UBASH3A: variants seen among roughly 807,000 people sequenced by gnomAD.
UBASH3A encodes ubiquitin associated and SH3 domain containing A, also known as ubiquitin-associated and SH3 domain-containing protein A.
In UBASH3A, 63 loss-of-function variants were observed where a neutral mutation model predicts 73.5. The ratio of observed to expected loss-of-function variants is 0.86; its 90% CI spans 0.70 to 1.06. The LOEUF (loss-of-function observed/expected upper bound fraction) is 1.06, where lower values mean the gene tolerates loss of function less well. Ranked by LOEUF, UBASH3A falls within the 50% of genes least tolerant of loss-of-function variation. UBASH3A has a pLI of 0.00. For missense variants in UBASH3A, 860 were observed against 859.0 expected (o/e 1.00, Z -0.02); for synonymous variants, 363 against 351.1 (o/e 1.03, Z -0.38).
At chr21:42,444,956 GA>G (rs2053821330) in intron 14 of UBASH3A, among the ~76,000 whole-genome samples, 1 of 152,308 alleles carries the variant, frequency 6.6e-6, no homozygotes, top group South Asian at 2.1e-4. Flanking sequence ...TTTAGATGAG[GA>G]GGGAAGAAAC....
chr21:42,446,541 C>CA (rs546767526), intron 14 of UBASH3A, among the ~76,000 whole-genome samples: 18 of 152,256 alleles, frequency 1.2e-4, no homozygotes, highest in African/African-American at 3.9e-4. Flanking sequence ...AAGACAAAAA[C>CA]AAAAAAGGCT....
At chr21:42,405,174 C>T (rs763647316) in intron 1 of UBASH3A, among the ~76,000 whole-genome samples, 38 of 152,130 alleles carry the variant, frequency 2.5e-4, no homozygotes, top group Non-Finnish European at 3.5e-4. Context: ...AGGGCTTTGT[C>T]GTCACTGTTA....
intron 10 of UBASH3A, 65 bp from the exon 11 acceptor site, chr21:42,437,423 G>A (rs2053645085): frequency 1.4e-6 from 2 of 1,463,762 alleles, no homozygotes; most frequent in East Asian, 2.3e-5. Flanking sequence ...GGAGCACATG[G>A]CTCATCTGCC....
At chr21:42,425,096 G>A (rs1438484257) in intron 7 of UBASH3A, among the ~76,000 whole-genome samples, 2 of 152,194 alleles carry the variant, frequency 1.3e-5, no homozygotes, top group Admixed American at 6.5e-5. Context: ...ATGAACACAG[G>A]GACGTAGTGA....
intron 8 of UBASH3A, among the ~76,000 whole-genome samples, chr21:42,427,139 C>A (rs1233370439): frequency 6.6e-6 from 1 of 152,164 alleles, no homozygotes; most frequent in Admixed American, 6.5e-5. Flanking sequence ...ACGTCACCTG[C>A]CCCGGTGCCT....
chr21:42,444,404 A>G, intron 13 of UBASH3A, 130 bp from the exon 14 acceptor site: 1 of 716,862 alleles, frequency 1.4e-6, no homozygotes. Context: ...CACTACTTCT[A>G]GCCCGGGGGT....
intron 2 of UBASH3A, 22 bp from the exon 3 acceptor site, chr21:42,409,400 G>T: frequency 6.6e-7 from 1 of 1,524,746 alleles, no homozygotes; most frequent in Admixed American, 2.2e-5. Flanking sequence ...AGTGGGTGAT[G>T]CCGGCTTGCT....
intron 1 of UBASH3A, 117 bp downstream of exon 1, chr21:42,404,175 A>G: frequency 2.0e-6 from 1 of 487,848 alleles, no homozygotes; most frequent in Middle Eastern, 5.6e-4. Flanking sequence ...AAAGCAGTGC[A>G]CCTTGCAGGG....
In UBASH3A at chr21:42,444,649, C is replaced by T. The variant is rs761333252; in HGVS notation, c.1848+6C>T. On this transcript the variant is annotated splice_donor_region_variant and intron_variant, in intron 14 of 14. Coordinates refer to ENST00000319294, the MANE Select transcript of UBASH3A (RefSeq NM_018961.4). ...TTGCCCAACTCGTGAGAAAGGTACG[C>T]GCCCACTCTTGGCTCTTTGGGCCAC... 96 of 1,604,840 alleles carry T rather than the reference C, an allele frequency of 6.0e-5. No homozygotes were observed. The highest frequency in any genetic ancestry group is 7.2e-5 in the Non-Finnish European group (84 of 1,171,642).
intron 7 of UBASH3A, among the ~76,000 whole-genome samples, chr21:42,421,165 G>C (rs2053331704): frequency 6.6e-6 from 1 of 152,256 alleles, no homozygotes; most frequent in African/African-American, 2.4e-5. Context: ...GCAGGCAGAG[G>C]TCAGAGTACA....
chr21:42,439,580 C>T (rs1023361607), intron 11 of UBASH3A, among the ~76,000 whole-genome samples: 1 of 152,084 alleles, frequency 6.6e-6, no homozygotes, highest in Non-Finnish European at 1.5e-5. Context: ...CAGCTCCACC[C>T]GAGGGCAAGC....
At chr21:42,404,897 C>G (rs543007233) in intron 1 of UBASH3A, among the ~76,000 whole-genome samples, 3 of 152,210 alleles carry the variant, frequency 2.0e-5, no homozygotes, top group African/African-American at 7.2e-5. Context: ...AGGGAGGCCA[C>G]GACACCAACA....
At chr21:42,422,684 G>T (rs191321787) in intron 7 of UBASH3A, among the ~76,000 whole-genome samples, 166 of 152,208 alleles carry the variant, frequency 1.1e-3, no homozygotes, top group Non-Finnish European at 1.8e-3. Flanking sequence ...AATTAAAAGG[G>T]AGAATTTTAT....
intron 7 of UBASH3A, among the ~76,000 whole-genome samples, chr21:42,422,140 C>T (rs973256000): frequency 1.3e-5 from 2 of 152,156 alleles, no homozygotes; most frequent in African/African-American, 4.8e-5. Flanking sequence ...CAGCCAAAGC[C>T]CCACAGCTGT....
intron 9 of UBASH3A, among the ~76,000 whole-genome samples, chr21:42,434,266 T>C (rs1438402906): frequency 6.6e-6 from 1 of 152,212 alleles, no homozygotes; most frequent in Non-Finnish European, 1.5e-5. Flanking sequence ...GCTACCAGAC[T>C]GTCAGATCTT....
At chr21:42,440,387 T>C (rs2053720302) in intron 11 of UBASH3A, among the ~76,000 whole-genome samples, 1 of 152,244 alleles carries the variant, frequency 6.6e-6, no homozygotes, top group South Asian at 2.1e-4. Flanking sequence ...ATTTCATCCC[T>C]GGTTGTTTAG....
chr21:42,435,848 TAG>T (rs1431561409), intron 10 of UBASH3A, among the ~76,000 whole-genome samples: 1 of 151,922 alleles, frequency 6.6e-6, no homozygotes, highest in Non-Finnish European at 1.5e-5. Context: ...TATAGAGTTA[TAG>T]AGTTAGTTAT....
At position 42,437,563 on chromosome 21, in the gene UBASH3A, C is replaced by T; in HGVS notation, c.1469C>T (p.Ala490Val). The change falls in exon 11 of 15, where the codon GCC becomes GTC. Residue 490 changes from alanine (A) to valine (V), a missense_variant. Ala to Val is a moderately conservative substitution (Grantham distance 64, BLOSUM62 0). Transcript: ENST00000319294. ...CCAGCCCTCCGCTGTGTGCAGACGGCCAAACTCATCCTGGAAGGTCAGTGA... is the reference window on the plus strand; with the variant it reads ...CCAGCCCTCCGCTGTGTGCAGACGGTCAAACTCATCCTGGAAGGTCAGTGA... The part of the protein sequence containing the change: ...ASPALRCVQT[A>V]KLILEELKLE... The T allele has an allele frequency of 6.2e-7, 1 of 1,614,182 alleles. No individual in the cohort carries two copies.
intron 11 of UBASH3A, among the ~76,000 whole-genome samples, chr21:42,440,359 C>T (rs564534368): frequency 1.3e-5 from 2 of 152,326 alleles, no homozygotes; most frequent in South Asian, 2.1e-4. Flanking sequence ...TGGAATAAAG[C>T]AAAATTGATA....
Sources: allele counts gnomAD v4.1 joint callset (sites outside exome capture counted in the v4.1 genomes callset), GRCh38; gene constraint gnomAD v4.1.1; transcripts MANE v1.5; gene names NCBI Gene and HGNC (gene_info 2026-07-23, HGNC 2026-07-21).